PAXIP1: variants seen among roughly 807,000 people sequenced by gnomAD.
PAXIP1 encodes PAX interacting protein 1.
Under a neutral mutation model 140.6 loss-of-function variants are expected in PAXIP1, and 19 were observed. The ratio of observed to expected loss-of-function variants is 0.14; its 90% confidence interval spans 0.09 to 0.20. PAXIP1 has a LOEUF of 0.20. PAXIP1 is among the 10% of genes least tolerant of loss of function. The pLI is 1.00. For synonymous variants in PAXIP1, 442 were observed against 444.6 expected (o/e 0.99, Z 0.07); for missense variants, 920 against 1,208.6 (o/e 0.76, Z 3.54).
chr7:154,968,658 C>CG lies in PAXIP1; in HGVS notation c.1542_1543insC (p.Ala515ArgfsTer81), dbSNP rs1563372417. ...AGGCTGTGCTGCTGCTGGAGCTGGG[C>CG]AAGCTGCTGCTGCTGGAGCTGGTGC... On this transcript the variant is annotated frameshift_variant, in exon 7 of 21. Coordinates refer to ENST00000404141, the MANE Select transcript of PAXIP1 (RefSeq NM_007349.4). LOFTEE classifies it high-confidence loss of function. 7.2e-5 allele frequency: 51 copies of CG among 711,862 alleles called. No homozygotes were observed. In the Middle Eastern group the frequency reaches 7.9e-4, roughly 11 times the overall value. 44.1% of individuals were successfully genotyped at this position (711,862 alleles called of 1,614,324 possible).
rs1188708125 is a variant in PAXIP1, at chr7:154,954,642, C to A, written c.2653-219G>T. ...TACATTTCTGTAGTTCAATTCCACA[C>A]AAATCAAGATTAAAACATGAATTCT... is the stretch of plus-strand genomic sequence containing the variant. On this transcript the variant is annotated intron_variant, in intron 15 of 20. Transcript: ENST00000404141. The surrounding 1 kb of genome is among the most constrained non-coding windows in gnomAD (Gnocchi z 5.1). Among the ~76,000 whole-genome samples, 1 of 152,180 alleles carries A rather than the reference C, an allele frequency of 6.6e-6. No individual in the cohort carries two copies. Among genetic ancestry groups the A allele is most frequent in the East Asian group, 1.9e-4 (1 of 5,202 alleles).
chr7:154,966,301 G>A (rs1408739748), intron 8 of PAXIP1, among the ~76,000 whole-genome samples: 2 of 152,184 alleles, frequency 1.3e-5, no homozygotes, highest in African/African-American at 4.8e-5. Context: ...ATCTGTCCAC[G>A]TTTCCCCTCC....
In PAXIP1 at chr7:154,954,274, G is replaced by C. The variant is rs1808411461; in HGVS notation, c.2802C>G (p.Phe934Leu). ...IVTPEWLEEC[F>L]RCQKFIDEQN... is the part of the protein sequence containing the mutation. Reference sequence around the variant, plus strand: ...CCTTACCAATGAACTTCTGACACCTGAAGCATTCTTCCAGCCACTCTGGCG... The same window carrying C: ...CCTTACCAATGAACTTCTGACACCTCAAGCATTCTTCCAGCCACTCTGGCG... The change falls in exon 16 of 21, where the codon TTC becomes TTG. Residue 934 changes from phenylalanine to leucine, a missense_variant. Physicochemically the swap from Phe to Leu is conservative, Grantham distance 22. This residue lies in a region of PAXIP1 where 303 missense variants were observed against 517.9 expected (regional missense o/e 0.59). Coordinates refer to ENST00000404141, the MANE Select transcript of PAXIP1 (RefSeq NM_007349.4). The surrounding 1 kb of genome is among the most constrained non-coding windows in gnomAD (Gnocchi z 5.1). 3.2e-6 allele frequency: 5 copies of C among 1,564,856 alleles called. No individual in the cohort carries two copies. The highest frequency in any genetic ancestry group is 3.5e-6 in the Non-Finnish European group (4 of 1,144,438).
At chr7:154,948,625 C>T (rs991536486) in intron 16 of PAXIP1, 2 of 151,468 alleles carry the variant, frequency 1.3e-5, no homozygotes, top group African/African-American at 2.4e-5. Context: ...AATATGAACC[C>T]TCTTCCCATA....
intron 6 of PAXIP1, among the ~76,000 whole-genome samples, chr7:154,974,876 G>A (rs1809496068): frequency 6.6e-6 from 1 of 151,916 alleles, no homozygotes; most frequent in Admixed American, 6.6e-5. Context: ...CATGCGTGGT[G>A]GCTCACACCT....
chr7:154,959,932 A>G lies in PAXIP1; in HGVS notation c.2436T>C (p.Asp812=), dbSNP rs1808684596. 1 of 1,596,038 alleles carries G rather than the reference A, an allele frequency of 6.3e-7. No homozygotes were observed. The highest frequency in any genetic ancestry group is 8.6e-7 in the Non-Finnish European group (1 of 1,164,144). ...ACACTTTTAAGGGAACTCTCCAAGCATCTAAAGAGAGAAACACATTATTTT... is the reference window on the plus strand; with the variant it reads ...ACACTTTTAAGGGAACTCTCCAAGCGTCTAAAGAGAGAAACACATTATTTT... ...PTQHLVLNLL[D]AWRVPLKVSA... Residue 812 remains aspartate (D), a splice_region_variant and synonymous_variant, in exon 13 of 21, where the codon GAT becomes GAC. Transcript: ENST00000404141.
chr7:154,978,027 C>A (rs1198283966), intron 5 of PAXIP1, among the ~76,000 whole-genome samples: 1 of 149,140 alleles, frequency 6.7e-6, no homozygotes, highest in Non-Finnish European at 1.5e-5. Context: ...GTATCTGTCA[C>A]CCAGCTTTAA....
rs539321856 is a variant in PAXIP1 at position 154,963,175 on chromosome 7, CTTTCT to C, written c.1989+491_1989+495del. 3.2e-4 allele frequency among the ~76,000 whole-genome samples: 49 copies of C among 152,068 alleles called. No homozygotes were observed. The highest frequency in any genetic ancestry group is 1.0e-3 in the African/African-American group (42 of 41,490). ...TGACTGCAGGGAGTGTCCGCCCTTT[CTTTCT>C]TTTATTTTTTTTTGAGATGGAGTCT... On this transcript the variant is annotated intron_variant, in intron 9 of 20. Transcript: ENST00000404141. The surrounding 1 kb of genome is among the most constrained non-coding windows in gnomAD (Gnocchi z 4.1).
rs1322202255 is a variant in PAXIP1 at position 154,968,981 on chromosome 7, G to A, written c.1220C>T (p.Ala407Val). ...CGGGTGCTGCTGCTGCTGCTGCTGG[G>A]CCTGCTGCTGCTGCTGTAGCATGTG... Reference protein sequence around the residue: ...ETHMLQQQQQAQQQQQQHPVL... With the variant: ...ETHMLQQQQQVQQQQQQHPVL... Residue 407 changes from alanine (A) to valine (V), a missense_variant, in exon 7 of 21, where the codon GCC (alanine) becomes GTC (valine). Physicochemically the swap from Ala to Val is moderately conservative, Grantham distance 64 (BLOSUM62 0). This residue lies in a region of PAXIP1 where 419 missense variants were observed against 514.7 expected (regional missense o/e 0.81). Coordinates refer to ENST00000404141, the MANE Select transcript of PAXIP1 (RefSeq NM_007349.4). 5.2e-6 allele frequency: 8 copies of A among 1,542,926 alleles called. No individual in the cohort carries two copies. The highest frequency in any genetic ancestry group is 7.0e-6 in the Non-Finnish European group (8 of 1,142,114).
chr7:154,955,876 A>T (rs1415688160), intron 14 of PAXIP1, among the ~76,000 whole-genome samples: 1 of 152,362 alleles, frequency 6.6e-6, no homozygotes, highest in Non-Finnish European at 1.5e-5. Context: ...TTTGGTTAAG[A>T]TCAATACTTT....
At chr7:154,966,189 A>C (rs1809009258) in intron 8 of PAXIP1, among the ~76,000 whole-genome samples, 1 of 152,150 alleles carries the variant, frequency 6.6e-6, no homozygotes, top group African/African-American at 2.4e-5. Context: ...TCTATAGGTT[A>C]TTTTAGGTTG....
At chr7:154,993,358 T>G (rs2150784338) in intron 3 of PAXIP1, among the ~76,000 whole-genome samples, 1 of 152,344 alleles carries the variant, frequency 6.6e-6, no homozygotes, top group East Asian at 1.9e-4. Flanking sequence ...TGTTATAAAT[T>G]TTATTCTCAT....
chr7:154,958,311 T>C (rs567748672), intron 13 of PAXIP1, among the ~76,000 whole-genome samples: 1 of 152,306 alleles, frequency 6.6e-6, no homozygotes, highest in East Asian at 1.9e-4. Context: ...GACTCCTCCT[T>C]CATAGTTTCA....
chr7:154,993,855 GTC>G (rs1169242055), intron 2 of PAXIP1, 86 bp from the exon 3 acceptor site: 8 of 975,096 alleles, frequency 8.2e-6, no homozygotes, highest in Non-Finnish European at 1.1e-5. Flanking sequence ...GAAATTAAAA[GTC>G]TCTGTTACAA....
chr7:154,984,052 C>A (rs1330070938), intron 4 of PAXIP1, among the ~76,000 whole-genome samples: 2 of 152,186 alleles, frequency 1.3e-5, no homozygotes, highest in Non-Finnish European at 1.5e-5. Flanking sequence ...CTAACCCTTC[C>A]AACCGCCATG....
At chr7:154,968,201 T>C (rs1809110056) in intron 7 of PAXIP1, among the ~76,000 whole-genome samples, 1 of 152,330 alleles carries the variant, frequency 6.6e-6, no homozygotes, top group Non-Finnish European at 1.5e-5. Flanking sequence ...CAATATTCAC[T>C]TCAGGATATG....
Position 154,946,579 on chromosome 7 carries a change from C to T in PAXIP1, c.3066G>A (p.Ser1022=), listed in dbSNP as rs762107361. ...LMEHKQNSSL[S]EIILISCEND... is the part of the protein sequence containing the mutation. ...TTTCACAGGATATTAAAATTATTTC[C>T]GACAAACTCTAAGGAAAAGAAAATG... Residue 1022 remains serine (S), a synonymous_variant, in exon 19 of 21, where the codon TCG becomes TCA. Transcript: ENST00000404141. The surrounding 1 kb of genome is among the most constrained non-coding windows in gnomAD (Gnocchi z 4.9). 7.3e-5 allele frequency: 118 copies of T among 1,613,514 alleles called. No individual in the cohort carries two copies. The highest frequency in any genetic ancestry group is 1.6e-4 in the South Asian group (15 of 91,060).
chr7:154,943,944 CAT>C lies in PAXIP1; in HGVS notation c.*203_*204del. On this transcript the variant is annotated 3_prime_UTR_variant, in exon 21 of 21. Coordinates refer to ENST00000404141, the MANE Select transcript of PAXIP1 (RefSeq NM_007349.4). ...GCTCTTAAAGTCATATAATACAAAA[CAT>C]AATTTATGTTTCCTCAGAATAAAAT... 1.7e-6 allele frequency: 1 copy of C among 605,778 alleles called. No individual in the cohort carries two copies. Among genetic ancestry groups the C allele is most frequent in the Non-Finnish European group, 3.1e-6 (1 of 323,046 alleles). 37.5% of individuals were successfully genotyped at this position (605,778 alleles called of 1,614,324 possible). A position where few individuals can be genotyped will look rare whatever the true frequency, so the allele number is the denominator to read the frequency against.
In PAXIP1 at chr7:154,954,812, T is replaced by G. The variant is rs1808434842; in HGVS notation, c.2653-389A>C. On this transcript the variant is annotated intron_variant, in intron 15 of 20. Transcript: ENST00000404141. This position sits in a 1 kb window ranked among gnomAD's most constrained non-coding sequence, Gnocchi z 5.1. ...AGAACATTTACCTGCTATCTTCATT[T>G]TTTGAAATGATAGCATAAAAACTGG... 6.6e-6 allele frequency among the ~76,000 whole-genome samples: 1 copy of G among 152,226 alleles called. No homozygotes were observed. The highest frequency in any genetic ancestry group is 1.5e-5 in the Non-Finnish European group (1 of 68,044).
Sources: allele counts gnomAD v4.1 joint callset (sites outside exome capture counted in the v4.1 genomes callset), GRCh38; gene constraint gnomAD v4.1.1; regional missense constraint gnomAD v4.1.1; non-coding constraint Gnocchi (gnomAD v3.1); transcripts MANE v1.5; gene names NCBI Gene and HGNC (gene_info 2026-07-23, HGNC 2026-07-21).